Variants in FOLR2 observed in about 807,000 individuals in gnomAD.
FOLR2 encodes the protein folate receptor beta, also known as folate receptor 2 (fetal).
FOLR2 carries 14 observed loss-of-function variants against 20.4 expected under a neutral mutation model. That is an observed-to-expected ratio of 0.68 (90% CI 0.45 to 1.07). The LOEUF is 1.07. Among genes scored for constraint, FOLR2 ranks in the 50% least tolerant of loss-of-function variants. The pLI is 0.00. For synonymous variants in FOLR2, 114 were observed against 114.3 expected, an observed-to-expected ratio of 1.00 and a Z score of 0.02; for missense variants, 269 against 322.6, an observed-to-expected ratio of 0.83 and a Z score of 1.27.
At position 72,221,238 on chromosome 11, in the gene FOLR2, G is replaced by A. The variant is rs1229560496; in HGVS notation, c.402G>A (p.Gln134=). The change falls in exon 4 of 5, where the codon CAG becomes CAA. Residue 134 remains glutamine, a synonymous_variant. Transcript: ENST00000298223. Reference sequence around the variant, plus strand: ...TGCCCTTATGCAAAGAGGACTGTCAGCGCTGGTGGGAGGATTGTCACACCT... The same window carrying A: ...TGCCCTTATGCAAAGAGGACTGTCAACGCTGGTGGGAGGATTGTCACACCT... ...LDVPLCKEDC[Q]RWWEDCHTSH... is the part of the protein sequence containing the mutation. 1.2e-6 allele frequency: 2 copies of A among 1,613,766 alleles called. No homozygotes were observed. Among genetic ancestry groups the A allele is most frequent in the East Asian group, 2.2e-5 (1 of 44,898 alleles).
chr11:72,217,256 C>T (rs1353844486), intron 1 of FOLR2: 2 of 682,730 alleles, frequency 2.9e-6, no homozygotes, highest in Admixed American at 2.4e-5. Context: ...AACTCTTGAC[C>T]TCAGGATCCA....
At chr11:72,219,503 T>C (rs1268765457) in intron 2 of FOLR2, among the ~76,000 whole-genome samples, 2 of 152,200 alleles carry the variant, frequency 1.3e-5, no homozygotes, top group African/African-American at 4.8e-5. Flanking sequence ...TATATTTCAA[T>C]ATGTCAGTTC....
chr11:72,220,998 C>T lies in FOLR2; in HGVS notation c.279C>T (p.His93=), dbSNP rs774745652. 34 of 1,613,860 alleles carry T rather than the reference C, an allele frequency of 2.1e-5. No individual in the cohort carries two copies. The South Asian group carries it at 3.2e-4, about 15-fold the overall frequency. The part of the protein sequence containing the change: ...CGKMEPACKR[H]FIQDTCLYEC... The stretch of plus-strand genomic sequence containing the variant: ...AGATGGAGCCCGCCTGCAAGCGCCA[C>T]TTCATCCAGGACACCTGTCTCTATG... Residue 93 remains histidine (H), a synonymous_variant, in exon 3 of 5, where the codon CAC becomes CAT. Transcript: ENST00000298223.
chr11:72,218,867 G>A (rs1390623614), intron 2 of FOLR2, 133 bp downstream of exon 2: 2 of 763,636 alleles, frequency 2.6e-6, no homozygotes, highest in African/African-American at 1.7e-5. Flanking sequence ...GAAGATGAAG[G>A]TGGAGTAGGA....
At position 72,221,612 on chromosome 11, in the gene FOLR2, G is replaced by A; in HGVS notation, c.618G>A (p.Met206Ile). ...GAGGGAGCGGCCGCTGCATCCAGAT[G>A]TGGTTTGATTCAGCCCAGGGCAACC... Reference protein sequence around the residue: ...YSRGSGRCIQMWFDSAQGNPN... With the variant: ...YSRGSGRCIQIWFDSAQGNPN... Residue 206 changes from methionine to isoleucine, a missense_variant, in exon 5 of 5, where the codon ATG becomes ATA. Transcript: ENST00000298223. 1.2e-6 allele frequency: 2 copies of A among 1,614,226 alleles called. No homozygotes were observed. Among genetic ancestry groups the A allele is most frequent in the Non-Finnish European group, 1.7e-6 (2 of 1,180,044 alleles).
chr11:72,216,910 A>G lies in FOLR2; in HGVS notation c.-40A>G. The G allele has an allele frequency of 6.3e-7, 1 of 1,599,586 alleles. No individual in the cohort carries two copies. On this transcript the variant is annotated 5_prime_UTR_variant, in exon 1 of 5. Transcript: ENST00000298223. Reference sequence around the variant, plus strand: ...AGACACAGCCGTGTATGCTCCCAGCAGCAACGGAGGTTCAGGCAAGATGCC... The same window carrying G: ...AGACACAGCCGTGTATGCTCCCAGCGGCAACGGAGGTTCAGGCAAGATGCC...
rs923153850 is a variant in FOLR2 at position 72,221,702 on chromosome 11, T to C, written c.708T>C (p.His236=). Residue 236 remains histidine, a synonymous_variant, in exon 5 of 5, where the codon CAT becomes CAC. Coordinates refer to ENST00000298223, the MANE Select transcript of FOLR2 (RefSeq NM_000803.5). ...ATGTGAATGCTGGTGAGATGCTTCA[T>C]GGGACTGGGGGTCTCCTGCTCAGTC... ...AMHVNAGEML[H]GTGGLLLSLA... The C allele has an allele frequency of 3.1e-6, 5 of 1,614,112 alleles. No homozygotes were observed. The highest frequency in any genetic ancestry group is 4.2e-6 in the Non-Finnish European group (5 of 1,179,950).
At chr11:72,219,304 T>A (rs528173247) in intron 2 of FOLR2, among the ~76,000 whole-genome samples, 34 of 152,308 alleles carry the variant, frequency 2.2e-4, no homozygotes, top group African/African-American at 7.9e-4. Context: ...TATACATGTA[T>A]GCCAGGGGAT....
Position 72,221,042 on chromosome 11 carries a change from G to A in FOLR2, c.323G>A (p.Gly108Glu), listed in dbSNP as rs752497032. ...TCLYECSPNL[G>E]PWIQQVNQSW... is the part of the protein sequence containing the mutation. ...CTCTATGAGTGCTCACCCAACCTGGGGCCCTGGATCCAGCAGGTAGGGTGT... is the reference window on the plus strand; with the variant it reads ...CTCTATGAGTGCTCACCCAACCTGGAGCCCTGGATCCAGCAGGTAGGGTGT... The change falls in exon 3 of 5, where the codon GGG becomes GAG. Residue 108 changes from glycine to glutamate, a missense_variant. Physicochemically the swap from Gly to Glu is moderately conservative, Grantham distance 98 (BLOSUM62 -2). Coordinates refer to ENST00000298223, the MANE Select transcript of FOLR2 (RefSeq NM_000803.5). 3.7e-6 allele frequency: 6 copies of A among 1,613,272 alleles called. No homozygotes were observed. The East Asian group carries it at 6.7e-5, about 18-fold the overall frequency.
chr11:72,221,798 A>T lies in FOLR2; in HGVS notation c.*36A>T. The T allele has an allele frequency of 6.3e-7, 1 of 1,591,684 alleles. No individual in the cohort carries two copies. Among genetic ancestry groups the T allele is most frequent in the Non-Finnish European group, 8.6e-7 (1 of 1,165,388 alleles). ...CCCAGACTACCTGCCCTCAGCTTGG[A>T]TAACCAGGCTGGGCTCAGCTCAGCT... On this transcript the variant is annotated 3_prime_UTR_variant, in exon 5 of 5. Transcript: ENST00000298223.
rs1182873382 is a variant in FOLR2 at position 72,221,524 on chromosome 11, C to T, written c.530C>T (p.Pro177Leu). 3.7e-6 allele frequency: 6 copies of T among 1,613,868 alleles called. No individual in the cohort carries two copies. The highest frequency in any genetic ancestry group is 1.7e-4 in the Middle Eastern group (1 of 6,030). The part of the protein sequence containing the change: ...ALCRTFESYF[P>L]TPAALCEGLW... The stretch of plus-strand genomic sequence containing the variant: ...TGCCGCACCTTTGAGTCCTACTTCC[C>T]CACTCCAGCTGCCCTTTGTGAAGGC... The change falls in exon 5 of 5, where the codon CCC becomes CTC. Residue 177 changes from proline (P) to leucine (L), a missense_variant. Pro to Leu is a moderately conservative substitution (Grantham distance 98, BLOSUM62 -3). Coordinates refer to ENST00000298223, the MANE Select transcript of FOLR2 (RefSeq NM_000803.5).
chr11:72,221,071 C>CT lies in FOLR2; in HGVS notation c.339+13_339+14insT. ...CTGGATCCAGCAGGTAGGGTGTCTC[C>CT]CCCCCACCCACCCCAGCAGACTGCC... is the stretch of plus-strand genomic sequence containing the variant. On this transcript the variant is annotated intron_variant, in intron 3 of 4. Transcript: ENST00000298223. 4.9e-6 allele frequency: 3 copies of CT among 610,144 alleles called. No individual in the cohort carries two copies. Among genetic ancestry groups the CT allele is most frequent in the Admixed American group, 2.4e-5 (1 of 42,172 alleles). 37.8% of individuals were successfully genotyped at this position (610,144 alleles called of 1,614,324 possible).
chr11:72,218,564 C>A lies in FOLR2; in HGVS notation c.-21C>A. The A allele has an allele frequency of 6.2e-7, 1 of 1,609,954 alleles. No homozygotes were observed. Among genetic ancestry groups the A allele is most frequent in the South Asian group, 1.1e-5 (1 of 90,232 alleles). On this transcript the variant is annotated 5_prime_UTR_variant, in exon 2 of 5. Coordinates refer to ENST00000298223, the MANE Select transcript of FOLR2 (RefSeq NM_000803.5). ...GGACTTGGTTTCCCTACCCTAGCTC[C>A]GCCTGCAGGGACAGAAAGACATGGT...
intron 2 of FOLR2, among the ~76,000 whole-genome samples, chr11:72,219,233 AGAG>A (rs1467113095): frequency 6.6e-6 from 1 of 152,134 alleles, no homozygotes; most frequent in Non-Finnish European, 1.5e-5. Flanking sequence ...CCAAGGGAGA[AGAG>A]GAGGAGGCCC....
In FOLR2 at chr11:72,216,923, C is replaced by G. The variant is rs1948398484; in HGVS notation, c.-27C>G. 5 of 1,599,396 alleles carry G rather than the reference C, an allele frequency of 3.1e-6. No individual in the cohort carries two copies. In the South Asian group the frequency reaches 5.5e-5, roughly 18 times the overall value. ...TATGCTCCCAGCAGCAACGGAGGTTCAGGCAAGATGCCCGAAGGAGGGAAG... is the reference window on the plus strand; with the variant it reads ...TATGCTCCCAGCAGCAACGGAGGTTGAGGCAAGATGCCCGAAGGAGGGAAG... On this transcript the variant is annotated splice_region_variant and 5_prime_UTR_variant, in exon 1 of 5. Transcript: ENST00000298223.
chr11:72,218,767 G>A (rs771197041), intron 2 of FOLR2, 33 bp downstream of exon 2: 2 of 1,585,066 alleles, frequency 1.3e-6, no homozygotes, highest in Non-Finnish European at 1.7e-6. Flanking sequence ...CTAAGGAGGG[G>A]GCTTGTTCTA....
chr11:72,216,900 T>A lies in FOLR2; in HGVS notation c.-50T>A, dbSNP rs751492504. ...AGGCCAACTCAGACACAGCCGTGTA[T>A]GCTCCCAGCAGCAACGGAGGTTCAG... On this transcript the variant is annotated 5_prime_UTR_variant, in exon 1 of 5. An upstream start codon of the reference 5' UTR is lost. Transcript: ENST00000298223. 3 of 1,599,548 alleles carry A rather than the reference T, an allele frequency of 1.9e-6. No individual in the cohort carries two copies. The African/African-American group carries it at 4.0e-5, about 21-fold the overall frequency.
At position 72,217,862 on chromosome 11, in the gene FOLR2, T is replaced by G. The variant is rs146309781; in HGVS notation, c.-24-699T>G. Among the ~76,000 whole-genome samples, 17 of 152,166 alleles carry G rather than the reference T, an allele frequency of 1.1e-4. No individual in the cohort carries two copies. In the East Asian group the frequency reaches 3.3e-3, roughly 29 times the overall value. ...CACCTTGCCCCACCCCCAGTCTATA[T>G]CATTCTCATCTGCATTTGTTTTTTG... On this transcript the variant is annotated intron_variant, in intron 1 of 4. Coordinates refer to ENST00000298223, the MANE Select transcript of FOLR2 (RefSeq NM_000803.5).
intron 2 of FOLR2, 130 bp from the exon 3 acceptor site, chr11:72,220,740 C>A (rs879415486): frequency 5.7e-5 from 65 of 1,134,278 alleles, no homozygotes; most frequent in South Asian, 4.1e-4. Flanking sequence ...GGACCATCAT[C>A]TGGGAACCTG....
Sources: gnomAD v4.1 joint callset for allele counts (sites outside exome capture counted in the v4.1 genomes callset) on GRCh38, gnomAD v4.1.1 for gene constraint, MANE v1.5 for transcripts, NCBI Gene and HGNC (gene_info 2026-07-23, HGNC 2026-07-21) for gene names.